Variants in HPSE2 observed in about 807,000 individuals in gnomAD.
HPSE2 encodes heparanase 2 (inactive).
HPSE2 carries 38 observed loss-of-function variants against 60.5 expected under a neutral mutation model. The ratio of observed to expected loss-of-function variants is 0.63; its 90% CI spans 0.48 to 0.82. HPSE2 has a LOEUF of 0.82. Among genes scored for constraint, HPSE2 ranks in the 40% least tolerant of loss-of-function variants. HPSE2 has a pLI of 0.00. For missense variants in HPSE2, 713 were observed against 740.4 expected, an observed-to-expected ratio of 0.96 and a Z score of 0.43; for synonymous variants, 295 against 293.2, an observed-to-expected ratio of 1.01 and a Z score of -0.06.
intron 7 of HPSE2, among the ~76,000 whole-genome samples, chr10:98,622,480 T>G (rs548739402): frequency 1.3e-4 from 20 of 152,192 alleles, no homozygotes; most frequent in Non-Finnish European, 2.6e-4. Context: ...AGAAAAAATA[T>G]ATGTGCCAAA....
chr10:99,223,599 T>C (rs1849381188), intron 2 of HPSE2, among the ~76,000 whole-genome samples: 2 of 152,180 alleles, frequency 1.3e-5, no homozygotes, highest in South Asian at 4.1e-4. Flanking sequence ...CCAAAACACA[T>C]ATATTTAGGT....
At chr10:99,228,763 T>C (rs1824906862) in intron 2 of HPSE2, among the ~76,000 whole-genome samples, 1 of 152,140 alleles carries the variant, frequency 6.6e-6, no homozygotes, top group Non-Finnish European at 1.5e-5. Context: ...AAACAGTGGT[T>C]TTACAAAGTT....
the HPSE2 span, among the ~76,000 whole-genome samples, chr10:99,244,568 A>ATT: frequency 0.032 from 2,395 of 73,730 alleles, 489 homozygotes; most frequent in African/African-American, 0.073. Flanking sequence ...CTATGCCTGG[A>ATT]TTTTTTTTTT....
At chr10:98,802,024 A>T (rs528229624) in intron 3 of HPSE2, among the ~76,000 whole-genome samples, 6 of 151,812 alleles carry the variant, frequency 4.0e-5, no homozygotes, top group African/African-American at 1.5e-4. Context: ...GAACACCAGA[A>T]ACAAATCCAC....
rs545577005 is a variant in HPSE2, at chr10:98,550,423, AG to A, written c.1321-60228del. Among the ~76,000 whole-genome samples, 98 of 151,810 alleles carry A rather than the reference AG, an allele frequency of 6.5e-4. 1 individual carries two copies. Among genetic ancestry groups the A allele is most frequent in the African/African-American group, 2.3e-3 (95 of 41,354 alleles). On this transcript the variant is annotated intron_variant, in intron 9 of 11. Transcript: ENST00000370552. ...GTCCTCCTGCTTCAGCCTCCCAAGTAGCTGGGACTACAGGTGCAGGCCACCA... is the reference window on the plus strand; with the variant it reads ...GTCCTCCTGCTTCAGCCTCCCAAGTACTGGGACTACAGGTGCAGGCCACCA...
intron 5 of HPSE2, among the ~76,000 whole-genome samples, chr10:98,700,350 A>G (rs1201601797): frequency 7.7e-6 from 1 of 130,266 alleles, no homozygotes; most frequent in Non-Finnish European, 1.7e-5. Flanking sequence ...CATATCTACA[A>G]CTATCTGATC....
intron 3 of HPSE2, among the ~76,000 whole-genome samples, chr10:98,971,927 C>T (rs1955964767): frequency 1.3e-5 from 2 of 152,114 alleles, no homozygotes; most frequent in African/African-American, 4.8e-5. Flanking sequence ...CCTACTCTTA[C>T]TCCCCAGGCC....
chr10:98,724,534 C>G (rs985766867), intron 4 of HPSE2, among the ~76,000 whole-genome samples: 1 of 152,028 alleles, frequency 6.6e-6, no homozygotes, highest in Non-Finnish European at 1.5e-5. Context: ...AACTTTCTGT[C>G]TTCGTTGATC....
intron 2 of HPSE2, among the ~76,000 whole-genome samples, chr10:99,166,187 G>T (rs1847076382): frequency 6.6e-6 from 1 of 152,072 alleles, no homozygotes; most frequent in Non-Finnish European, 1.5e-5. Flanking sequence ...CTGTACTATA[G>T]TTTGTTTAAC....
chr10:98,688,638 C>G (rs980451827), intron 6 of HPSE2, among the ~76,000 whole-genome samples: 1 of 151,238 alleles, frequency 6.6e-6, no homozygotes, highest in Admixed American at 6.6e-5. Context: ...ACCAGCCCGG[C>G]TGATATTTGG....
chr10:99,086,302 C>A (rs1296872123), intron 3 of HPSE2, among the ~76,000 whole-genome samples: 1 of 150,778 alleles, frequency 6.6e-6, no homozygotes, highest in Non-Finnish European at 1.5e-5. Context: ...TTATTATTAA[C>A]CAGCATTAAA....
chr10:99,242,526 G>T, the HPSE2 span, among the ~76,000 whole-genome samples: 1 of 152,166 alleles, frequency 6.6e-6, no homozygotes, highest in Admixed American at 6.5e-5. Context: ...TTGAGGGACT[G>T]CTAGAGATAG....
At chr10:98,757,971 A>G (rs2210888) in intron 3 of HPSE2, among the ~76,000 whole-genome samples, 107,664 of 151,962 alleles carry the variant, frequency 0.71, 39,171 homozygotes, top group South Asian at 0.81. Flanking sequence ...AAAACAGCAC[A>G]GTACTGGTAC....
chr10:99,047,541 T>G (rs758705816), intron 3 of HPSE2: 25 of 503,646 alleles, frequency 5.0e-5, no homozygotes, highest in Non-Finnish European at 8.4e-5. Context: ...ACCTACACGA[T>G]AGGAGAAAAT....
intron 3 of HPSE2, among the ~76,000 whole-genome samples, chr10:98,874,054 G>T (rs111526545): frequency 4.6e-5 from 7 of 151,768 alleles, no homozygotes; most frequent in African/African-American, 1.2e-4. Context: ...ACTTTTTGAT[G>T]GAGTTGTTTC....
chr10:99,011,232 T>C (rs1589512518), intron 3 of HPSE2, among the ~76,000 whole-genome samples: 2 of 152,102 alleles, frequency 1.3e-5, no homozygotes, highest in South Asian at 2.1e-4. Flanking sequence ...ATTATAAATA[T>C]GAAACACAAA....
At chr10:99,302,911 T>C in the HPSE2 span, among the ~76,000 whole-genome samples, 1 of 151,242 alleles carries the variant, frequency 6.6e-6, no homozygotes, top group Non-Finnish European at 1.5e-5. Context: ...ATGCCACTTT[T>C]CAGGGGACTA....
intron 3 of HPSE2, among the ~76,000 whole-genome samples, chr10:98,774,703 A>G (rs1950304789): frequency 6.6e-6 from 1 of 152,276 alleles, no homozygotes; most frequent in South Asian, 2.1e-4. Context: ...CTGAAGTAAG[A>G]TCTGGAAAAT....
At chr10:99,274,116 C>T in the HPSE2 span, among the ~76,000 whole-genome samples, 3 of 152,244 alleles carry the variant, frequency 2.0e-5, no homozygotes, top group Non-Finnish European at 4.4e-5. Flanking sequence ...GAGGCCAAGG[C>T]AGGCAGATCG....
Sources: allele counts gnomAD v4.1 joint callset (sites outside exome capture counted in the v4.1 genomes callset), GRCh38; gene constraint gnomAD v4.1.1; transcripts MANE v1.5; gene names NCBI Gene and HGNC (gene_info 2026-07-23, HGNC 2026-07-21).